RDX: variants seen among roughly 807,000 people sequenced by gnomAD.
RDX encodes deafness, autosomal recessive 24.
Under a neutral mutation model 83.7 loss-of-function variants are expected in RDX, and 32 were observed. The ratio of observed to expected loss-of-function variants is 0.38; its 90% confidence interval spans 0.29 to 0.51. The LOEUF is 0.51. Among genes scored for constraint, RDX ranks in the 20% least tolerant of loss-of-function variants. RDX has a pLI of 0.87. For synonymous variants in RDX, 229 were observed against 222.7 expected (o/e 1.03, Z -0.25); for missense variants, 600 against 689.9 (o/e 0.87, Z 1.46).
intron 2 of RDX, 79 bp downstream of exon 2, chr11:110,279,602 C>G: frequency 1.0e-6 from 1 of 954,746 alleles, no homozygotes; most frequent in Admixed American, 1.8e-5. Context: ...ACTCTACCAA[C>G]ATTCTTTGTC....
intron 11 of RDX, among the ~76,000 whole-genome samples, chr11:110,237,004 T>C (rs1342373268): frequency 6.6e-6 from 1 of 151,488 alleles, no homozygotes; most frequent in Non-Finnish European, 1.5e-5. Context: ...TGAACTAATA[T>C]TTAAATCCAG....
At chr11:110,255,218 T>C in intron 8 of RDX, 71 bp downstream of exon 8, 1 of 828,410 alleles carries the variant, frequency 1.2e-6, no homozygotes, top group Non-Finnish European at 2.0e-6. Flanking sequence ...ACTGTTATTC[T>C]TCAAGTGATA....
At chr11:110,198,509 A>G (rs997794954) in intron 15 of RDX, among the ~76,000 whole-genome samples, 5 of 152,184 alleles carry the variant, frequency 3.3e-5, no homozygotes, top group Non-Finnish European at 7.4e-5. Flanking sequence ...AGTGGTGAAC[A>G]AGCATTATGG....
chr11:110,187,278 C>G (rs962791994), intron 15 of RDX, among the ~76,000 whole-genome samples: 13 of 152,168 alleles, frequency 8.5e-5, no homozygotes, highest in African/African-American at 2.9e-4. Context: ...CCTCTTTGCT[C>G]CACACTCAGG....
In RDX at chr11:110,258,198, ACC is replaced by A. The variant is rs1330894222; in HGVS notation, c.468-11_468-10del. On this transcript the variant is annotated splice_polypyrimidine_tract_variant and intron_variant, in intron 5 of 13. Coordinates refer to ENST00000645495, the MANE Select transcript of RDX (RefSeq NM_002906.4). ...TGTGTTGTTCCAATACACTAAGAGG[ACC>A]AAAAAAAAAAAAAAATTATAATGAC... 3 of 1,519,956 alleles carry A rather than the reference ACC, an allele frequency of 2.0e-6. No individual in the cohort carries two copies. The highest frequency in any genetic ancestry group is 1.4e-5 in the African/African-American group (1 of 71,626). The allele number at this position is 1,519,956 out of a possible 1,614,324, so 94.2% of individuals were successfully genotyped here.
chr11:110,277,099 C>G (rs1247878063), intron 2 of RDX, among the ~76,000 whole-genome samples: 1 of 152,172 alleles, frequency 6.6e-6, no homozygotes, highest in Non-Finnish European at 1.5e-5. Context: ...AAGTTCTATA[C>G]TTCCAGAATC....
At chr11:110,189,265 AAAAGACAAGGGCATTACATAATGAC>A (rs1863057550) in intron 15 of RDX, among the ~76,000 whole-genome samples, 11 of 147,716 alleles carry the variant, frequency 7.4e-5, no homozygotes, top group African/African-American at 2.3e-4. Context: ...AAAAAAAAAA[AAAAGACAAGGGCATTACATAATGAC>A]AAAGGGATCA....
intron 2 of RDX, among the ~76,000 whole-genome samples, chr11:110,273,285 G>A (rs960891220): frequency 5.9e-5 from 9 of 152,208 alleles, no homozygotes; most frequent in African/African-American, 2.2e-4. Context: ...CTTTGAATGT[G>A]ATTCACTATC....
chr11:110,279,624 C>T (rs1042508433), intron 2 of RDX, 57 bp downstream of exon 2: 22 of 1,162,196 alleles, frequency 1.9e-5, no homozygotes, highest in Non-Finnish European at 2.6e-5. Context: ...TGTTCCAAAA[C>T]GAATTTAATG....
intron 10 of RDX, among the ~76,000 whole-genome samples, chr11:110,242,373 G>A (rs1251931416): frequency 6.6e-6 from 1 of 150,712 alleles, no homozygotes; most frequent in African/African-American, 2.4e-5. Flanking sequence ...GGCAGAGGTT[G>A]CAGTGACCCG....
intron 14 of RDX, among the ~76,000 whole-genome samples, chr11:110,210,937 C>G (rs937776364): frequency 1.3e-5 from 2 of 151,692 alleles, no homozygotes; most frequent in Non-Finnish European, 2.9e-5. Flanking sequence ...CATCAACTAA[C>G]GAGCAAAATA....
At chr11:110,286,453 T>A (rs560845585) in intron 1 of RDX, among the ~76,000 whole-genome samples, 1 of 152,300 alleles carries the variant, frequency 6.6e-6, no homozygotes, top group African/African-American at 2.4e-5. Flanking sequence ...AATGGAAAAA[T>A]AGCCTCATGC....
chr11:110,272,401 T>G, intron 3 of RDX, 135 bp downstream of exon 3: 1 of 699,450 alleles, frequency 1.4e-6, no homozygotes, highest in South Asian at 1.5e-5. Context: ...TAGGGATATC[T>G]GAATAGCTAC....
At chr11:110,295,650 A>C (rs570726850) in intron 1 of RDX, among the ~76,000 whole-genome samples, 1 of 150,940 alleles carries the variant, frequency 6.6e-6, no homozygotes, top group East Asian at 1.9e-4. Context: ...CTGAAAAAAA[A>C]AAAAAAACAA....
intron 10 of RDX, among the ~76,000 whole-genome samples, chr11:110,238,604 C>A (rs890823872): frequency 3.3e-5 from 5 of 152,074 alleles, no homozygotes; most frequent in Non-Finnish European, 7.4e-5. Context: ...TTGATCAGAA[C>A]TAGTTGAGTA....
intron 7 of RDX, 53 bp downstream of exon 7, chr11:110,257,714 G>A (rs897620673): frequency 1.6e-5 from 26 of 1,578,566 alleles, no homozygotes; most frequent in East Asian, 9.0e-5. Context: ...TAAGATTAAC[G>A]TCATTTAGAC....
chr11:110,254,624 C>T (rs1859470860), intron 8 of RDX, among the ~76,000 whole-genome samples: 1 of 151,950 alleles, frequency 6.6e-6, no homozygotes, highest in African/African-American at 2.4e-5. Context: ...TACAGGCATG[C>T]ACCACCACAT....
At chr11:110,249,209 C>T (rs1859231285) in intron 9 of RDX, among the ~76,000 whole-genome samples, 1 of 152,136 alleles carries the variant, frequency 6.6e-6, no homozygotes, top group African/African-American at 2.4e-5. Context: ...ACTTAAAAAT[C>T]AGTTATGATT....
At chr11:110,191,591 C>T (rs759291265) in intron 15 of RDX, among the ~76,000 whole-genome samples, 5 of 152,226 alleles carry the variant, frequency 3.3e-5, no homozygotes, top group Non-Finnish European at 7.3e-5. Context: ...CGCAGTGGCT[C>T]ACGCCTGTAA....
Sources: gnomAD v4.1 joint callset for allele counts (sites outside exome capture counted in the v4.1 genomes callset) on GRCh38, gnomAD v4.1.1 for gene constraint, MANE v1.5 for transcripts, NCBI Gene and HGNC (gene_info 2026-07-23, HGNC 2026-07-21) for gene names.